CNTN5: variants seen among roughly 807,000 people sequenced by gnomAD.
The protein encoded by CNTN5 is contactin 5.
Under a neutral mutation model 129.1 loss-of-function variants are expected in CNTN5, and 77 were observed. The ratio of observed to expected loss-of-function variants is 0.60; its 90% CI spans 0.50 to 0.72. The LOEUF is 0.72. Among genes scored for constraint, CNTN5 ranks in the 30% least tolerant of loss-of-function variants. The pLI is 0.00. For missense variants in CNTN5, 1,478 were observed against 1,328.8 expected, an observed-to-expected ratio of 1.11 and a Z score of -1.75; for synonymous variants, 509 against 465.6, an observed-to-expected ratio of 1.09 and a Z score of -1.20.
Position 99,351,424 on chromosome 11 carries a change from G to A in CNTN5, c.-71+25940G>A, listed in dbSNP as rs79845417. 5.8e-3 allele frequency among the ~76,000 whole-genome samples: 878 copies of A among 152,284 alleles called. 8 individuals are homozygous for A. Among genetic ancestry groups the A allele is most frequent in the African/African-American group, 0.02 (834 of 41,544 alleles). ...GGAACTGCTGTTTAAATTCAGGCTT[G>A]CCTAACTCAGAAGTAATAGTTGTTG... On this transcript the variant is annotated intron_variant, in intron 2 of 24. Coordinates refer to ENST00000524871, the MANE Select transcript of CNTN5 (RefSeq NM_014361.4).
intron 3 of CNTN5, among the ~76,000 whole-genome samples, chr11:99,784,466 A>G (rs1945437568): frequency 6.6e-6 from 1 of 151,276 alleles, no homozygotes; most frequent in South Asian, 2.1e-4. Flanking sequence ...TGTCCCTGCA[A>G]AGGACATGAA....
chr11:100,323,936 C>T (rs1045416338), intron 21 of CNTN5, among the ~76,000 whole-genome samples: 2 of 152,176 alleles, frequency 1.3e-5, no homozygotes, highest in East Asian at 3.9e-4. Flanking sequence ...CAGACTATGT[C>T]ATATAATATC....
At chr11:100,079,639 G>T (rs1472714114) in intron 13 of CNTN5, among the ~76,000 whole-genome samples, 4 of 149,898 alleles carry the variant, frequency 2.7e-5, no homozygotes, top group African/African-American at 9.6e-5. Context: ...GTATTTTAAA[G>T]ACTTTTTTTT....
chr11:99,999,415 A>T (rs1426663788), intron 8 of CNTN5, among the ~76,000 whole-genome samples: 1 of 152,248 alleles, frequency 6.6e-6, no homozygotes, highest in East Asian at 1.9e-4. Flanking sequence ...AATGCTCATC[A>T]TCACTGGCCA....
chr11:100,093,592 C>A (rs906886342), intron 13 of CNTN5, among the ~76,000 whole-genome samples: 16 of 151,952 alleles, frequency 1.1e-4, no homozygotes, highest in African/African-American at 3.6e-4. Flanking sequence ...CAGGTGCACA[C>A]CCCTATTTAA....
chr11:99,467,261 C>G (rs373885183), intron 2 of CNTN5, among the ~76,000 whole-genome samples: 1 of 151,932 alleles, frequency 6.6e-6, no homozygotes, highest in African/African-American at 2.4e-5. Context: ...TTCTTGGGAA[C>G]TTTTACCTGT....
At chr11:99,285,593 G>GAA (rs55945633) in intron 1 of CNTN5, among the ~76,000 whole-genome samples, 83 of 134,464 alleles carry the variant, frequency 6.2e-4, no homozygotes, top group South Asian at 5.1e-3. Flanking sequence ...TCAAGTTAAA[G>GAA]AAAAAAAAAA....
chr11:99,521,716 C>T (rs1215447090), intron 2 of CNTN5, among the ~76,000 whole-genome samples: 5 of 152,210 alleles, frequency 3.3e-5, no homozygotes, highest in Non-Finnish European at 7.3e-5. Context: ...CTGTAGTTGA[C>T]TCTGAGTGGC....
At chr11:100,339,714 G>A (rs558772291) in intron 21 of CNTN5, among the ~76,000 whole-genome samples, 35 of 152,160 alleles carry the variant, frequency 2.3e-4, no homozygotes, top group Non-Finnish European at 4.0e-4. Flanking sequence ...AAGTAGATGG[G>A]AGAAAGCTAC....
intron 3 of CNTN5, among the ~76,000 whole-genome samples, chr11:99,807,442 CA>C (rs1946307327): frequency 6.6e-6 from 1 of 152,092 alleles, no homozygotes; most frequent in African/African-American, 2.4e-5. Context: ...TAACAAAACA[CA>C]TAATTGAAAT....
chr11:99,919,123 G>T (rs1228343655), intron 7 of CNTN5, among the ~76,000 whole-genome samples: 1 of 152,110 alleles, frequency 6.6e-6, no homozygotes, highest in East Asian at 1.9e-4. Context: ...GCATTCTTCT[G>T]CAGAAGCAAA....
At chr11:99,490,947 T>G (rs1343946261) in intron 2 of CNTN5, among the ~76,000 whole-genome samples, 1 of 151,824 alleles carries the variant, frequency 6.6e-6, no homozygotes, top group East Asian at 1.9e-4. Context: ...CTCACCGAGA[T>G]CTAACCACTA....
At chr11:99,440,892 C>T (rs1407416482) in intron 2 of CNTN5, among the ~76,000 whole-genome samples, 1 of 152,124 alleles carries the variant, frequency 6.6e-6, no homozygotes, top group Non-Finnish European at 1.5e-5. Flanking sequence ...GTAAGAAGAG[C>T]ACACTAATTA....
At chr11:99,614,839 A>G (rs1342899144) in intron 3 of CNTN5, among the ~76,000 whole-genome samples, 2 of 152,048 alleles carry the variant, frequency 1.3e-5, no homozygotes, top group African/African-American at 2.4e-5. Context: ...ACAAAGCACA[A>G]CCTATAAAGA....
rs1019472688 is a variant in CNTN5, at chr11:99,651,756, T to C, written c.55+95487T>C. On this transcript the variant is annotated intron_variant, in intron 3 of 24. Coordinates refer to ENST00000524871, the MANE Select transcript of CNTN5 (RefSeq NM_014361.4). ...CTATCAACGGCCTCAGGATTATATG[T>C]AAACTTTCTTTAACATGAAAATCAA... Among the ~76,000 whole-genome samples the C allele has an allele frequency of 2.6e-5, 4 of 152,052 alleles. 1 individual carries two copies. Among genetic ancestry groups the C allele is most frequent in the Non-Finnish European group, 5.9e-5 (4 of 67,948 alleles).
intron 3 of CNTN5, among the ~76,000 whole-genome samples, chr11:99,732,627 G>A (rs1943572669): frequency 1.3e-5 from 2 of 152,190 alleles, no homozygotes; most frequent in Non-Finnish European, 2.9e-5. Context: ...TGGCGGACTT[G>A]GCAGCACCAT....
chr11:100,202,751 T>C (rs1478720663), intron 15 of CNTN5, among the ~76,000 whole-genome samples: 1 of 151,918 alleles, frequency 6.6e-6, no homozygotes, highest in Non-Finnish European at 1.5e-5. Flanking sequence ...ACTACACTGT[T>C]AGTCAGCCAA....
At chr11:100,280,944 A>G (rs1197281339) in intron 18 of CNTN5, among the ~76,000 whole-genome samples, 1 of 152,174 alleles carries the variant, frequency 6.6e-6, no homozygotes, top group Non-Finnish European at 1.5e-5. Flanking sequence ...AAACAAAACA[A>G]ACAAGTAAAA....
intron 13 of CNTN5, among the ~76,000 whole-genome samples, chr11:100,117,733 AT>A (rs35344045): frequency 0.01 from 1,499 of 148,424 alleles, 11 homozygotes; most frequent in African/African-American, 0.024. Flanking sequence ...TTTGCAGGGC[AT>A]TTTTTTTTTT....
Sources: gnomAD v4.1 joint callset for allele counts (sites outside exome capture counted in the v4.1 genomes callset) on GRCh38, gnomAD v4.1.1 for gene constraint, MANE v1.5 for transcripts, NCBI Gene and HGNC (gene_info 2026-07-23, HGNC 2026-07-21) for gene names.